The following COL9A1 variants were observed in gnomAD, a reference collection of about 807,000 sequenced individuals.
COL9A1 encodes the protein collagen alpha-1(IX) chain.
COL9A1 carries 104 observed loss-of-function variants against 142.6 expected under a neutral mutation model. The ratio of observed to expected loss-of-function variants is 0.73; its 90% CI spans 0.62 to 0.86. The LOEUF (loss-of-function observed/expected upper bound fraction) is 0.86, where lower values mean the gene tolerates loss of function less well. Ranked by LOEUF, COL9A1 falls within the 40% of genes least tolerant of loss-of-function variation. The probability of loss-of-function intolerance (pLI) is 0.00; values close to 1 mark genes in which losing one functional copy is unlikely to be tolerated. For synonymous variants in COL9A1, 466 were observed against 396.0 expected (o/e 1.18, Z -2.10); for missense variants, 1,210 against 1,176.6 (o/e 1.03, Z -0.42).
In COL9A1 at chr6:70,292,699, G is replaced by A. The variant is rs369753843; in HGVS notation, c.696+1468C>T. On this transcript the variant is annotated intron_variant, in intron 5 of 37. Coordinates refer to ENST00000357250, the MANE Select transcript of COL9A1 (RefSeq NM_001851.6). ...AAATAAATGTTTAAAATACTTGACT[G>A]ATGTTTGTAACAGTGAGGAAGTAAC... 3.0e-4 allele frequency among the ~76,000 whole-genome samples: 46 copies of A among 152,262 alleles called. 2 individuals carry two copies. Among genetic ancestry groups the A allele is most frequent in the African/African-American group, 1.0e-3 (43 of 41,552 alleles).
Position 70,260,700 on chromosome 6 carries a change from C to T in COL9A1, c.1406G>A (p.Gly469Asp). The change falls in exon 20 of 38, where the codon GGT becomes GAT. Residue 469 changes from glycine (G) to aspartate (D), a missense_variant. Coordinates refer to ENST00000357250, the MANE Select transcript of COL9A1 (RefSeq NM_001851.6). ...AACTATGCCGGTGATGCCTCGCAAA[C>T]CCTGGGCTCCCTGGAAATGTGAAAA... ...VGAQGPPGAQGLRGITGIVGD... is the reference protein window; with the variant it reads ...VGAQGPPGAQDLRGITGIVGD... The T allele has an allele frequency of 6.2e-7, 1 of 1,613,886 alleles. No individual in the cohort carries two copies. Among genetic ancestry groups the T allele is most frequent in the Non-Finnish European group, 8.5e-7 (1 of 1,179,934 alleles).
chr6:70,283,241 G>A, intron 6 of COL9A1: 1 of 1,448,608 alleles, frequency 6.9e-7, no homozygotes, highest in Non-Finnish European at 9.0e-7. Context: ...CCCGGAGAGG[G>A]TCCTGGGATT....
intron 37 of COL9A1, among the ~76,000 whole-genome samples, chr6:70,224,516 C>T (rs1769101946): frequency 6.6e-6 from 1 of 152,158 alleles, no homozygotes; most frequent in African/African-American, 2.4e-5. Context: ...GGTTCAAGAA[C>T]TGTTAAGCGA....
rs139036654 is a variant in COL9A1, at chr6:70,257,773, C to T, written c.1450-952G>A. ...AAAACACACACAAAAAATTTATTAA[C>T]GATGAAGGCCATGGAGCCACTCTAA... On this transcript the variant is annotated intron_variant, in intron 20 of 37. Transcript: ENST00000357250. Among the ~76,000 whole-genome samples, 40 of 152,186 alleles carry T rather than the reference C, an allele frequency of 2.6e-4. No homozygotes were observed. The East Asian group carries it at 6.8e-3, about 26-fold the overall frequency.
At chr6:70,229,790 T>C (rs1482322827) in intron 36 of COL9A1, among the ~76,000 whole-genome samples, 1 of 152,178 alleles carries the variant, frequency 6.6e-6, no homozygotes, top group Non-Finnish European at 1.5e-5. Flanking sequence ...TTTTGTATAA[T>C]ATTGTGTAAA....
chr6:70,231,177 G>A lies in COL9A1; in HGVS notation c.2503+1406C>T, dbSNP rs564709226. ...AGGTCCCTGGTGACTCCGCTGCTCC[G>A]GGGACTGCTCTCTCAGAACCACTCC... On this transcript the variant is annotated intron_variant, in intron 36 of 37. Transcript: ENST00000357250. Among the ~76,000 whole-genome samples the A allele has an allele frequency of 7.2e-5, 11 of 152,206 alleles. 1 individual carries two copies. The highest frequency in any genetic ancestry group is 2.2e-4 in the African/African-American group (9 of 41,522).
At chr6:70,271,596 C>T in intron 14 of COL9A1, 59 bp downstream of exon 14, 1 of 1,516,882 alleles carries the variant, frequency 6.6e-7, no homozygotes, top group East Asian at 2.3e-5. Flanking sequence ...ATTTGCTTTC[C>T]CAAATAACAT....
At position 70,270,296 on chromosome 6, in the gene COL9A1, A is replaced by C. The variant is rs753545366; in HGVS notation, c.1197+18T>G. On this transcript the variant is annotated intron_variant, in intron 15 of 37. Coordinates refer to ENST00000357250, the MANE Select transcript of COL9A1 (RefSeq NM_001851.6). Reference sequence around the variant, plus strand: ...GACTCTCAGACACAAACAGAAATTCAAGCTGCAAATAACTTACTCTGGGTC... The same window carrying C: ...GACTCTCAGACACAAACAGAAATTCCAGCTGCAAATAACTTACTCTGGGTC... The C allele has an allele frequency of 1.9e-6, 3 of 1,612,090 alleles. No individual in the cohort carries two copies. The highest frequency in any genetic ancestry group is 3.3e-5 in the Admixed American group (2 of 60,004).
intron 5 of COL9A1, among the ~76,000 whole-genome samples, chr6:70,286,945 G>A (rs117787736): frequency 0.041 from 6,191 of 152,230 alleles, 209 homozygotes; most frequent in Non-Finnish European, 0.066. Context: ...ATGTGCTTTG[G>A]GATAGACACC....
chr6:70,252,750 G>A (rs1020864977), intron 26 of COL9A1, among the ~76,000 whole-genome samples: 11 of 152,070 alleles, frequency 7.2e-5, no homozygotes, highest in East Asian at 1.9e-4. Context: ...AGAAAGCCCC[G>A]TCAGCAAGCT....
At chr6:70,262,022 C>T (rs1409152255) in intron 19 of COL9A1, among the ~76,000 whole-genome samples, 3 of 152,154 alleles carry the variant, frequency 2.0e-5, no homozygotes, top group Admixed American at 6.6e-5. Flanking sequence ...ACTTGAGCCA[C>T]GCAGTACCCA....
Position 70,270,335 on chromosome 6 carries a change from G to T in COL9A1, c.1176C>A (p.Pro392=). ...TTACTCTGGGTCCTGGGGGGCCAGG[G>T]GGGCCAGGTGGTCCTCTTCTCCCAG... The part of the protein sequence containing the change: ...GDPGRRGPPG[P]PGPPGPRGTI... The change falls in exon 15 of 38, where the codon CCC becomes CCA. Residue 392 remains proline (P), a synonymous_variant. Coordinates refer to ENST00000357250, the MANE Select transcript of COL9A1 (RefSeq NM_001851.6). 6.2e-7 allele frequency: 1 copy of T among 1,613,774 alleles called. No individual in the cohort carries two copies.
intron 5 of COL9A1, among the ~76,000 whole-genome samples, chr6:70,289,632 T>C (rs902138294): frequency 3.9e-5 from 6 of 152,210 alleles, no homozygotes; most frequent in Admixed American, 3.9e-4. Context: ...CCTAACGATA[T>C]GTATAGAAAA....
intron 13 of COL9A1, 139 bp from the exon 14 acceptor site, chr6:70,271,847 C>A (rs1772421533): frequency 1.0e-6 from 1 of 992,500 alleles, no homozygotes; most frequent in Non-Finnish European, 1.5e-6. Flanking sequence ...CTCATTTGAC[C>A]AAACTTTAAT....
chr6:70,286,425 G>A (rs947837657), intron 5 of COL9A1, among the ~76,000 whole-genome samples: 2 of 152,198 alleles, frequency 1.3e-5, no homozygotes, highest in Non-Finnish European at 2.9e-5. Flanking sequence ...TTCCTCCTGA[G>A]AGAGAATGTT....
chr6:70,287,187 A>G (rs1773487375), intron 5 of COL9A1, among the ~76,000 whole-genome samples: 2 of 152,176 alleles, frequency 1.3e-5, no homozygotes, highest in African/African-American at 4.8e-5. Context: ...GGGTTTACAT[A>G]GAGGGGTTAC....
chr6:70,261,078 T>C, intron 19 of COL9A1: 1 of 202,162 alleles, frequency 4.9e-6, no homozygotes, highest in Non-Finnish European at 1.0e-5. Context: ...CCTGGTTACA[T>C]GTAACATGAT....
chr6:70,279,030 G>C (rs984580808), intron 10 of COL9A1, among the ~76,000 whole-genome samples: 1 of 152,036 alleles, frequency 6.6e-6, no homozygotes, highest in Non-Finnish European at 1.5e-5. Flanking sequence ...ACCCATTTAC[G>C]CTTCAAATAC....
At chr6:70,240,976 T>G (rs1281701309) in intron 31 of COL9A1, among the ~76,000 whole-genome samples, 1 of 152,144 alleles carries the variant, frequency 6.6e-6, no homozygotes, top group East Asian at 1.9e-4. Flanking sequence ...AATGACCATA[T>G]TCAACAATTT....
Sources: allele counts gnomAD v4.1 joint callset (sites outside exome capture counted in the v4.1 genomes callset), GRCh38; gene constraint gnomAD v4.1.1; transcripts MANE v1.5; gene names NCBI Gene and HGNC (gene_info 2026-07-23, HGNC 2026-07-21).